Variants in ANKRD44 observed in about 807,000 individuals in gnomAD.
The protein encoded by ANKRD44 is serine/threonine-protein phosphatase 6 regulatory ankyrin repeat subunit B.
In ANKRD44, 35 loss-of-function variants were observed where a neutral mutation model predicts 116.0. The observed-to-expected ratio is 0.30, with a 90% CI of 0.23 to 0.40. ANKRD44 has a LOEUF of 0.40. Among genes scored for constraint, ANKRD44 ranks in the 10% least tolerant of loss-of-function variants. The pLI is 1.00. For missense variants in ANKRD44, 1,014 were observed against 1,242.6 expected (o/e 0.82, Z 2.77); for synonymous variants, 435 against 461.8 (o/e 0.94, Z 0.74).
intron 15 of ANKRD44, 111 bp from the exon 16 acceptor site, chr2:197,078,925 T>C (rs1335475313): frequency 1.7e-6 from 2 of 1,181,400 alleles, no homozygotes; most frequent in Non-Finnish European, 2.3e-6. Flanking sequence ...TATGAGTTTG[T>C]TTCTTTAAAA....
chr2:197,292,851 T>C (rs1468839222), intron 1 of ANKRD44, among the ~76,000 whole-genome samples: 1 of 152,188 alleles, frequency 6.6e-6, no homozygotes, highest in Non-Finnish European at 1.5e-5. Context: ...TGTGCAAGTC[T>C]TTAAAGAGCT....
At chr2:196,994,110 A>T (rs2075969086) in intron 26 of ANKRD44, among the ~76,000 whole-genome samples, 1 of 152,250 alleles carries the variant, frequency 6.6e-6, no homozygotes, top group East Asian at 1.9e-4. Context: ...ATGCACACAG[A>T]TGTTTTACTG....
chr2:197,057,454 T>A (rs1301320201), intron 16 of ANKRD44, among the ~76,000 whole-genome samples: 1 of 152,208 alleles, frequency 6.6e-6, no homozygotes, highest in East Asian at 1.9e-4. Context: ...GCTTCTACCT[T>A]GGGGAATATA....
At chr2:197,267,750 A>G in intron 1 of ANKRD44, among the ~76,000 whole-genome samples, 1 of 152,230 alleles carries the variant, frequency 6.6e-6, no homozygotes, top group Admixed American at 6.5e-5. Flanking sequence ...TGTCCAAGAC[A>G]AAGCACCAGG....
At chr2:197,305,094 A>G (rs578017362) in intron 1 of ANKRD44, among the ~76,000 whole-genome samples, 1 of 152,386 alleles carries the variant, frequency 6.6e-6, no homozygotes, top group Non-Finnish European at 1.5e-5. Flanking sequence ...TGATTCTCAA[A>G]CGGATAAAAA....
chr2:197,096,609 A>G (rs2078166129), intron 10 of ANKRD44, among the ~76,000 whole-genome samples: 1 of 152,250 alleles, frequency 6.6e-6, no homozygotes, highest in Non-Finnish European at 1.5e-5. Flanking sequence ...GTAAGAAAGT[A>G]ATAATGATAA....
chr2:197,231,334 G>GT (rs2081857628), intron 1 of ANKRD44, among the ~76,000 whole-genome samples: 2 of 152,052 alleles, frequency 1.3e-5, no homozygotes, highest in South Asian at 4.1e-4. Context: ...AGAGGCTGAG[G>GT]TAAGAAGTTC....
chr2:197,057,479 A>G (rs1026736027), intron 16 of ANKRD44, among the ~76,000 whole-genome samples: 3 of 151,914 alleles, frequency 2.0e-5, no homozygotes, highest in African/African-American at 7.3e-5. Flanking sequence ...CTGTTTTTGA[A>G]TTTTTTTTTA....
intron 4 of ANKRD44, among the ~76,000 whole-genome samples, chr2:197,130,135 C>T (rs2079064365): frequency 6.6e-6 from 1 of 152,136 alleles, no homozygotes; most frequent in African/African-American, 2.4e-5. Flanking sequence ...CAGGCTTATG[C>T]TATATTACTG....
At chr2:197,010,490 C>T (rs570980994) in intron 18 of ANKRD44, among the ~76,000 whole-genome samples, 1 of 152,328 alleles carries the variant, frequency 6.6e-6, no homozygotes, top group Non-Finnish European at 1.5e-5. Flanking sequence ...CAGGCCTGGA[C>T]CGGCTGGGGC....
chr2:197,205,227 G>A (rs777520117), intron 1 of ANKRD44, among the ~76,000 whole-genome samples: 15 of 152,096 alleles, frequency 9.9e-5, no homozygotes, highest in Admixed American at 4.6e-4. Context: ...AGTATTGCTG[G>A]GTCAAATGTT....
chr2:197,043,213 T>C (rs1302489320), intron 16 of ANKRD44, among the ~76,000 whole-genome samples: 1 of 152,252 alleles, frequency 6.6e-6, no homozygotes, highest in Non-Finnish European at 1.5e-5. Context: ...CTTATCCTAC[T>C]ACCTCAATCC....
chr2:197,099,937 G>C lies in ANKRD44; in HGVS notation c.986-7C>G. 6.2e-7 allele frequency: 1 copy of C among 1,613,250 alleles called. No individual in the cohort carries two copies. The highest frequency in any genetic ancestry group is 1.1e-5 in the South Asian group (1 of 91,068). The stretch of plus-strand genomic sequence containing the variant: ...ACACAGTCAATTTCACCTCCTGAAA[G>C]AGATATTTTAATACAGGATAACGCA... On this transcript the variant is annotated splice_region_variant and splice_polypyrimidine_tract_variant and intron_variant, in intron 9 of 27. Transcript: ENST00000282272.
intron 16 of ANKRD44, among the ~76,000 whole-genome samples, chr2:197,038,423 T>G (rs1200673516): frequency 1.3e-5 from 2 of 152,204 alleles, no homozygotes; most frequent in African/African-American, 4.8e-5. Context: ...TCATAGAACA[T>G]AGTCTTATAA....
At chr2:197,103,285 G>A (rs950128788) in intron 9 of ANKRD44, among the ~76,000 whole-genome samples, 13 of 151,584 alleles carry the variant, frequency 8.6e-5, no homozygotes, top group Non-Finnish European at 1.3e-4. Context: ...TCATGTTTGG[G>A]TTTGTTGTTA....
intron 1 of ANKRD44, among the ~76,000 whole-genome samples, chr2:197,291,669 C>T (rs2083572976): frequency 6.6e-6 from 1 of 152,056 alleles, no homozygotes; most frequent in Non-Finnish European, 1.5e-5. Flanking sequence ...ATAATGCTTG[C>T]TCATGTATTT....
At chr2:197,163,329 G>C (rs1486059365) in intron 2 of ANKRD44, among the ~76,000 whole-genome samples, 2 of 152,198 alleles carry the variant, frequency 1.3e-5, no homozygotes, top group Non-Finnish European at 2.9e-5. Flanking sequence ...TGCAGTTCTG[G>C]TTTCTGTGAG....
Position 197,122,725 on chromosome 2 carries a change from A to T in ANKRD44, c.618T>A (p.Gly206=). 6.2e-7 allele frequency: 1 copy of T among 1,614,190 alleles called. No homozygotes were observed. Among genetic ancestry groups the T allele is most frequent in the Non-Finnish European group, 8.5e-7 (1 of 1,180,024 alleles). Residue 206 remains glycine, a synonymous_variant, in exon 7 of 28, where the codon GGT becomes GGA. Coordinates refer to ENST00000282272, the MANE Select transcript of ANKRD44 (RefSeq NM_001195144.2). The part of the protein sequence containing the change: ...GAEVTCKDKK[G]YTPLHAAASN... The stretch of plus-strand genomic sequence containing the variant: ...AGGCTGCAGCATGCAGAGGGGTATA[A>T]CCCTTCTTATCCTTACAGGTCACTT...
In ANKRD44 at chr2:197,150,425, T is replaced by G. The variant is rs555978871; in HGVS notation, c.112-3320A>C. 2.0e-5 allele frequency among the ~76,000 whole-genome samples: 3 copies of G among 152,176 alleles called. No individual in the cohort carries two copies. The East Asian group carries it at 5.8e-4, about 29-fold the overall frequency. ...TTAGCCGGGCATGGTGGAGGGCGCC[T>G]GTAGTCCCAGCTACTTGGGAGGCTG... On this transcript the variant is annotated intron_variant, in intron 2 of 27. Transcript: ENST00000282272.
Sources: allele counts gnomAD v4.1 joint callset (sites outside exome capture counted in the v4.1 genomes callset), GRCh38; gene constraint gnomAD v4.1.1; transcripts MANE v1.5; gene names NCBI Gene and HGNC (gene_info 2026-07-23, HGNC 2026-07-21).